EFCAB11: variants seen among roughly 807,000 people sequenced by gnomAD.
EFCAB11 encodes EF-hand calcium-binding domain-containing protein 11.
In EFCAB11, 14 loss-of-function variants were observed where a neutral mutation model predicts 23.0. That is an observed-to-expected ratio of 0.61 (90% CI 0.40 to 0.95). The LOEUF (loss-of-function observed/expected upper bound fraction) is 0.95. EFCAB11 is among the 40% of genes least tolerant of loss of function. The pLI, the probability that EFCAB11 is intolerant of heterozygous loss-of-function variation, is 0.00. For missense variants in EFCAB11, 198 were observed against 195.8 expected (o/e 1.01, Z -0.07); for synonymous variants, 65 against 66.6 (o/e 0.98, Z 0.11).
At chr14:89,937,656 G>C (rs1890633623) in intron 3 of EFCAB11, among the ~76,000 whole-genome samples, 1 of 152,104 alleles carries the variant, frequency 6.6e-6, no homozygotes, top group Admixed American at 6.6e-5. Context: ...CTCCCGAGTA[G>C]CTGGGATTAC....
At chr14:89,929,068 G>GAGA (rs1890300364) in intron 5 of EFCAB11, among the ~76,000 whole-genome samples, 2 of 143,584 alleles carry the variant, frequency 1.4e-5, no homozygotes, top group African/African-American at 5.3e-5. Context: ...TTTTTTTTTA[G>GAGA]GAGGGTCTTG....
chr14:89,819,643 C>T (rs1401137190), intron 5 of EFCAB11, among the ~76,000 whole-genome samples: 1 of 152,016 alleles, frequency 6.6e-6, no homozygotes, highest in East Asian at 1.9e-4. Flanking sequence ...TGCTGTGTTG[C>T]CCAGGCTGGT....
intron 5 of EFCAB11, among the ~76,000 whole-genome samples, chr14:89,879,318 G>C (rs762271828): frequency 1.3e-5 from 2 of 151,578 alleles, no homozygotes; most frequent in Non-Finnish European, 2.9e-5. Flanking sequence ...CTAGATGTTG[G>C]TTCCTTTCAG....
intron 5 of EFCAB11, among the ~76,000 whole-genome samples, chr14:89,930,828 C>G (rs1008375061): frequency 6.6e-6 from 1 of 152,096 alleles, no homozygotes; most frequent in Non-Finnish European, 1.5e-5. Flanking sequence ...GTGTGCTGAA[C>G]GCTAATGAAT....
At chr14:89,936,277 A>G (rs558442159) in intron 3 of EFCAB11, among the ~76,000 whole-genome samples, 231 of 152,192 alleles carry the variant, frequency 1.5e-3, no homozygotes, top group Middle Eastern at 0.01. Context: ...ATTCACAAGG[A>G]AAAAAAAGGA....
chr14:89,814,660 C>T (rs1169798710), intron 5 of EFCAB11, among the ~76,000 whole-genome samples: 1 of 151,560 alleles, frequency 6.6e-6, no homozygotes, highest in Non-Finnish European at 1.5e-5. Flanking sequence ...GCTGAGATCA[C>T]GCCATTGCAC....
At chr14:89,882,455 C>T (rs890972365) in intron 5 of EFCAB11, among the ~76,000 whole-genome samples, 10 of 152,198 alleles carry the variant, frequency 6.6e-5, no homozygotes, top group Admixed American at 4.6e-4. Flanking sequence ...GCCAAGAGAT[C>T]ATCTGTGAGA....
intron 5 of EFCAB11, among the ~76,000 whole-genome samples, chr14:89,802,953 A>G (rs1269669153): frequency 1.3e-5 from 2 of 152,156 alleles, no homozygotes; most frequent in Non-Finnish European, 2.9e-5. Context: ...AGCACGATTG[A>G]TATTTTGGAC....
At chr14:89,807,818 T>C (rs183049423) in intron 5 of EFCAB11, among the ~76,000 whole-genome samples, 120 of 152,318 alleles carry the variant, frequency 7.9e-4, no homozygotes, top group Non-Finnish European at 1.1e-3. Flanking sequence ...AAAATAAATA[T>C]GCCATAAAAT....
At position 89,954,688 on chromosome 14, in the gene EFCAB11, A is replaced by C; in HGVS notation, c.-28T>G. On this transcript the variant is annotated 5_prime_UTR_variant, in exon 1 of 6. Transcript: ENST00000316738. ...CGACTACAACAACCGAGCCCCAGCA[A>C]CCCAACCAGCTACCACCGCTTTCCC... is the stretch of plus-strand genomic sequence containing the variant. 1.2e-6 allele frequency: 2 copies of C among 1,604,506 alleles called. No homozygotes were observed. Among genetic ancestry groups the C allele is most frequent in the Non-Finnish European group, 1.7e-6 (2 of 1,177,602 alleles).
intron 3 of EFCAB11, among the ~76,000 whole-genome samples, chr14:89,934,878 T>G (rs140953649): frequency 8.9e-4 from 136 of 152,284 alleles, no homozygotes; most frequent in African/African-American, 2.8e-3. Context: ...TATTCACTGA[T>G]AATGGCATGT....
intron 5 of EFCAB11, among the ~76,000 whole-genome samples, chr14:89,820,946 C>T (rs568960615): frequency 6.6e-6 from 1 of 152,004 alleles, no homozygotes; most frequent in Non-Finnish European, 1.5e-5. Flanking sequence ...TGTATGGTTT[C>T]TCTTTGTCAC....
rs140318276 is a variant in EFCAB11, at chr14:89,884,026, C to T, written c.410+47515G>A. ...CCCATAGTCCCAGCTACTCCAGAGG[C>T]GGAGGTGGGAAGATTGCTTGAGCCC... On this transcript the variant is annotated intron_variant, in intron 5 of 5. Coordinates refer to ENST00000316738, the MANE Select transcript of EFCAB11 (RefSeq NM_145231.4). Among the ~76,000 whole-genome samples, 85 of 152,162 alleles carry T rather than the reference C, an allele frequency of 5.6e-4. No homozygotes were observed. The East Asian group carries it at 0.014, about 25-fold the overall frequency.
chr14:89,924,576 G>A, intron 5 of EFCAB11: 1 of 1,528,870 alleles, frequency 6.5e-7, no homozygotes. Context: ...AAAAATGCCA[G>A]CCAGAAATAC....
chr14:89,863,641 T>C (rs1247889546), intron 5 of EFCAB11, among the ~76,000 whole-genome samples: 3 of 152,288 alleles, frequency 2.0e-5, no homozygotes, highest in African/African-American at 4.8e-5. Flanking sequence ...GTGTGTCTTC[T>C]ACTTCTCCGT....
At chr14:89,902,162 G>C (rs554534180) in intron 5 of EFCAB11, among the ~76,000 whole-genome samples, 1 of 151,992 alleles carries the variant, frequency 6.6e-6, no homozygotes, top group Non-Finnish European at 1.5e-5. Context: ...GTCCCTCTAG[G>C]CTTATACCCA....
intron 5 of EFCAB11, among the ~76,000 whole-genome samples, chr14:89,857,155 C>A (rs1406583064): frequency 6.6e-6 from 1 of 152,188 alleles, no homozygotes; most frequent in Admixed American, 6.5e-5. Flanking sequence ...TGTTATCTTT[C>A]TTACAGAGAA....
intron 5 of EFCAB11, among the ~76,000 whole-genome samples, chr14:89,876,796 T>A (rs895442861): frequency 6.6e-6 from 1 of 152,236 alleles, no homozygotes; most frequent in Non-Finnish European, 1.5e-5. Context: ...GTGTTGTAAC[T>A]TGGAGCACCT....
At chr14:89,824,508 T>A (rs568641095) in intron 5 of EFCAB11, among the ~76,000 whole-genome samples, 14 of 152,016 alleles carry the variant, frequency 9.2e-5, no homozygotes, top group African/African-American at 3.4e-4. Context: ...AAATAGGAAA[T>A]GTGAAGATGT....
Sources: gnomAD v4.1 joint callset for allele counts (sites outside exome capture counted in the v4.1 genomes callset) on GRCh38, gnomAD v4.1.1 for gene constraint, MANE v1.5 for transcripts, NCBI Gene and HGNC (gene_info 2026-07-23, HGNC 2026-07-21) for gene names.